STKLD1: variants seen among roughly 807,000 people sequenced by gnomAD.
STKLD1 encodes serine/threonine kinase like domain containing 1.
Under a neutral mutation model 80.4 loss-of-function variants are expected in STKLD1, and 79 were observed. The ratio of observed to expected loss-of-function variants is 0.98; its 90% CI spans 0.82 to 1.19. STKLD1 has a LOEUF of 1.19. STKLD1 is among the 50% of genes most tolerant of loss of function. The pLI, the probability that STKLD1 is intolerant of heterozygous loss-of-function variation, is 0.00. For missense variants in STKLD1, 841 were observed against 856.0 expected, an observed-to-expected ratio of 0.98 and a Z score of 0.22; for synonymous variants, 393 against 357.6, an observed-to-expected ratio of 1.10 and a Z score of -1.12.
At position 133,381,611 on chromosome 9, in the gene STKLD1, C is replaced by T. The variant is rs2130266679; in HGVS notation, c.175-2245C>T. Among the ~76,000 whole-genome samples, 38 of 150,126 alleles carry T rather than the reference C, an allele frequency of 2.5e-4. No individual in the cohort carries two copies. In the South Asian group the frequency reaches 6.1e-3, roughly 24 times the overall value. Reference sequence around the variant, plus strand: ...GATTACAGGCATGTGCCACCACGCCCGGCTAATTTTGTATTTTTAGTAGAG... The same window carrying T: ...GATTACAGGCATGTGCCACCACGCCTGGCTAATTTTGTATTTTTAGTAGAG... On this transcript the variant is annotated intron_variant, in intron 2 of 17. Coordinates refer to ENST00000371957, the MANE Select transcript of STKLD1 (RefSeq NM_153710.5).
Position 133,389,241 on chromosome 9 carries a change from G to C in STKLD1, c.397-285G>C. ...AGTGTGGGGCAGCGCGGGCCACAGA[G>C]TAGGGTGCAGGGATGGGGCCCCTGC... On this transcript the variant is annotated intron_variant, in intron 5 of 17. Coordinates refer to ENST00000371957, the MANE Select transcript of STKLD1 (RefSeq NM_153710.5). The surrounding 1 kb of genome is among the most constrained non-coding windows in gnomAD (Gnocchi z 6.4). The C allele has an allele frequency of 1.0e-6, 1 of 985,434 alleles. No homozygotes were observed. Among genetic ancestry groups the C allele is most frequent in the Non-Finnish European group, 1.2e-6 (1 of 829,926 alleles). The allele number at this position is 985,434 out of a possible 1,614,324, so 61.0% of individuals were successfully genotyped here.
intron 16 of STKLD1, among the ~76,000 whole-genome samples, chr9:133,404,581 G>C (rs371350478): frequency 6.6e-6 from 1 of 152,130 alleles, no homozygotes; most frequent in Non-Finnish European, 1.5e-5. Flanking sequence ...CTTTGGCTCT[G>C]GGGGGGCTGC....
intron 5 of STKLD1, chr9:133,388,797 T>G (rs1412174499): frequency 2.0e-6 from 2 of 985,314 alleles, no homozygotes; most frequent in Non-Finnish European, 2.4e-6. Context: ...GGGGACCATG[T>G]ACCCCTGAGG....
rs144280617 is a variant in STKLD1 at position 133,384,374 on chromosome 9, G to A, written c.219+474G>A. On this transcript the variant is annotated intron_variant, in intron 3 of 17. Coordinates refer to ENST00000371957, the MANE Select transcript of STKLD1 (RefSeq NM_153710.5). This position sits in a 1 kb window ranked among gnomAD's most constrained non-coding sequence, Gnocchi z 4.3. ...GGAGAATCACTTGAACCTGGGAGGCGGAGATTGCAATGAGCCGAGATTGCA... is the reference window on the plus strand; with the variant it reads ...GGAGAATCACTTGAACCTGGGAGGCAGAGATTGCAATGAGCCGAGATTGCA... The A allele has an allele frequency of 1.9e-3, 309 of 160,292 alleles. No individual in the cohort carries two copies. Among genetic ancestry groups the A allele is most frequent in the African/African-American group, 6.9e-3 (287 of 41,692 alleles). The allele number at this position is 160,292 out of a possible 1,614,324, so 9.9% of individuals were successfully genotyped here.
At chr9:133,393,657 G>GTGGGTGGA (rs1221658732) in intron 7 of STKLD1, among the ~76,000 whole-genome samples, 17 of 144,908 alleles carry the variant, frequency 1.2e-4, no homozygotes, top group African/African-American at 3.9e-4. Context: ...GGGTGGGTGG[G>GTGGGTGGA]TGGATGGATG....
chr9:133,383,932 A>G (rs782700917), intron 3 of STKLD1, 32 bp downstream of exon 3: 1 of 1,594,634 alleles, frequency 6.3e-7, no homozygotes. Flanking sequence ...CCTCTGGAAG[A>G]GCTCAATGGA....
Position 133,384,147 on chromosome 9 carries a change from T to C in STKLD1, c.219+247T>C, listed in dbSNP as rs1306584069. ...CATATGTTCCCAGAGAACATAAAAT[T>C]TAAATATTGGGCTGGGCACGGTGGC... On this transcript the variant is annotated intron_variant, in intron 3 of 17. Coordinates refer to ENST00000371957, the MANE Select transcript of STKLD1 (RefSeq NM_153710.5). The surrounding 1 kb of genome is among the most constrained non-coding windows in gnomAD (Gnocchi z 4.3). The C allele has an allele frequency of 3.8e-5, 19 of 496,328 alleles. No individual in the cohort carries two copies. The highest frequency in any genetic ancestry group is 6.2e-5 in the Non-Finnish European group (17 of 276,302). 30.7% of individuals were successfully genotyped at this position (496,328 alleles called of 1,614,324 possible). A position where few individuals can be genotyped will look rare whatever the true frequency, so the allele number is the denominator to read the frequency against.
At chr9:133,399,928 G>A (rs1314488211) in intron 11 of STKLD1, among the ~76,000 whole-genome samples, 1 of 150,794 alleles carries the variant, frequency 6.6e-6, no homozygotes, top group Non-Finnish European at 1.5e-5. Flanking sequence ...CACACTCCAG[G>A]TGCCAGGACT....
At position 133,384,966 on chromosome 9, in the gene STKLD1, G is replaced by A. The variant is rs1838232122; in HGVS notation, c.220-651G>A. 6.6e-6 allele frequency among the ~76,000 whole-genome samples: 1 copy of A among 152,170 alleles called. No homozygotes were observed. Among genetic ancestry groups the A allele is most frequent in the South Asian group, 2.1e-4 (1 of 4,828 alleles). On this transcript the variant is annotated intron_variant, in intron 3 of 17. Transcript: ENST00000371957. The surrounding 1 kb of genome is among the most constrained non-coding windows in gnomAD (Gnocchi z 4.3). Reference sequence around the variant, plus strand: ...GCTTGGCCAGCAAACATTATTGGGTGTATAGTGTGACCGAAGCACAGTGGT... The same window carrying A: ...GCTTGGCCAGCAAACATTATTGGGTATATAGTGTGACCGAAGCACAGTGGT...
intron 7 of STKLD1, among the ~76,000 whole-genome samples, chr9:133,391,535 C>T (rs1055781989): frequency 2.6e-5 from 4 of 151,686 alleles, no homozygotes; most frequent in African/African-American, 9.7e-5. Flanking sequence ...AATTCTTCTG[C>T]CTTGGGATCC....
intron 5 of STKLD1, chr9:133,387,933 C>T: frequency 2.2e-6 from 1 of 446,804 alleles, no homozygotes; most frequent in Non-Finnish European, 4.5e-6. Flanking sequence ...CTGCATGCAC[C>T]AGCAAATCAT....
At chr9:133,393,561 G>A (rs1360118625) in intron 7 of STKLD1, among the ~76,000 whole-genome samples, 4 of 145,868 alleles carry the variant, frequency 2.7e-5, no homozygotes. Flanking sequence ...GAGTGTGTGG[G>A]TAGATGGGTG....
At position 133,394,539 on chromosome 9, in the gene STKLD1, CCT is replaced by C; in HGVS notation, c.702+133_702+134del. ...TGGCTCTCTGCAGGCTGCACAGAGCCCTCTTCTCCACCTGCGAGGGGCCTGCC... is the reference window on the plus strand; with the variant it reads ...TGGCTCTCTGCAGGCTGCACAGAGCCCTTCTCCACCTGCGAGGGGCCTGCC... On this transcript the variant is annotated intron_variant, in intron 8 of 17. Transcript: ENST00000371957. This position sits in a 1 kb window ranked among gnomAD's most constrained non-coding sequence, Gnocchi z 4.9. 1 of 719,582 alleles carries C rather than the reference CCT, an allele frequency of 1.4e-6. No homozygotes were observed. Among genetic ancestry groups the C allele is most frequent in the East Asian group, 2.5e-5 (1 of 40,240 alleles). 44.6% of individuals were successfully genotyped at this position (719,582 alleles called of 1,614,324 possible).
rs118180648 is a variant in STKLD1, at chr9:133,384,079, C to T, written c.219+179C>T. 1.4e-3 allele frequency: 826 copies of T among 608,766 alleles called. 8 individuals carry two copies. In the East Asian group the frequency reaches 0.022, roughly 16 times the overall value. The allele number at this position is 608,766 out of a possible 1,614,324, so 37.7% of individuals were successfully genotyped here. On this transcript the variant is annotated intron_variant, in intron 3 of 17. Coordinates refer to ENST00000371957, the MANE Select transcript of STKLD1 (RefSeq NM_153710.5). This position sits in a 1 kb window ranked among gnomAD's most constrained non-coding sequence, Gnocchi z 4.3. ...CCCCAGGTCATGAAGGGAGTCCATGCCCCAAACACTCACTGCTAAATGCAG... is the reference window on the plus strand; with the variant it reads ...CCCCAGGTCATGAAGGGAGTCCATGTCCCAAACACTCACTGCTAAATGCAG...
intron 11 of STKLD1, among the ~76,000 whole-genome samples, chr9:133,398,451 C>G (rs1838616908): frequency 6.6e-6 from 1 of 152,152 alleles, no homozygotes; most frequent in Non-Finnish European, 1.5e-5. Flanking sequence ...AGTGTGAATA[C>G]TTTAACTTTT....
intron 7 of STKLD1, among the ~76,000 whole-genome samples, chr9:133,393,176 T>C (rs1199228538): frequency 8.6e-6 from 1 of 116,136 alleles, no homozygotes; most frequent in Non-Finnish European, 1.8e-5. Context: ...GGTGAGTGGA[T>C]GGATTGGATG....
chr9:133,403,748 G>T lies in STKLD1; in HGVS notation c.1523G>T (p.Ser508Ile). The T allele has an allele frequency of 6.2e-7, 1 of 1,613,834 alleles. No individual in the cohort carries two copies. Among genetic ancestry groups the T allele is most frequent in the South Asian group, 1.1e-5 (1 of 91,080 alleles). ...APLEKVPDLISQVLATYPADG... is the reference protein window; with the variant it reads ...APLEKVPDLIIQVLATYPADG... ...TTGGAGAAGGTCCCGGACCTCATCAGCCAGGTGTTGGCCACCTACCCTGCG... is the reference window on the plus strand; with the variant it reads ...TTGGAGAAGGTCCCGGACCTCATCATCCAGGTGTTGGCCACCTACCCTGCG... Residue 508 changes from serine to isoleucine, a missense_variant, in exon 15 of 18, where the codon AGC becomes ATC. Physicochemically the swap from Ser to Ile is moderately radical, Grantham distance 142. Coordinates refer to ENST00000371957, the MANE Select transcript of STKLD1 (RefSeq NM_153710.5).
intron 4 of STKLD1, among the ~76,000 whole-genome samples, chr9:133,386,952 A>G (rs2130278467): frequency 2.0e-5 from 3 of 152,076 alleles, no homozygotes; most frequent in Non-Finnish European, 2.9e-5. Context: ...ATGCACTCCC[A>G]AAGATTTTCT....
intron 5 of STKLD1, 92 bp downstream of exon 5, chr9:133,387,640 C>A (rs2130280302): frequency 2.1e-6 from 2 of 959,944 alleles, no homozygotes; most frequent in East Asian, 2.4e-5. Context: ...GGAGGGCAGG[C>A]ACCATGGAGT....
Sources: gnomAD v4.1 joint callset for allele counts (sites outside exome capture counted in the v4.1 genomes callset) on GRCh38, gnomAD v4.1.1 for gene constraint, Gnocchi (gnomAD v3.1) non-coding constraint, MANE v1.5 for transcripts, NCBI Gene and HGNC (gene_info 2026-07-23, HGNC 2026-07-21) for gene names.